ATP13A4: variants seen among roughly 807,000 people sequenced by gnomAD.
ATP13A4 encodes ATPase 13A4, also known as probable cation-transporting ATPase 13A4.
A neutral mutation model predicts 142.5 loss-of-function variants in ATP13A4; 114 were observed. The observed-to-expected ratio is 0.80, with a 90% CI of 0.69 to 0.93. The LOEUF (loss-of-function observed/expected upper bound fraction) is 0.93. ATP13A4 is among the 40% of genes least tolerant of loss of function. ATP13A4 has a pLI of 0.00. For missense variants in ATP13A4, 1,392 were observed against 1,454.0 expected (o/e 0.96, Z 0.69); for synonymous variants, 488 against 514.8 (o/e 0.95, Z 0.70).
intron 2 of ATP13A4, among the ~76,000 whole-genome samples, chr3:193,574,803 T>G (rs1724359516): frequency 6.6e-6 from 1 of 152,156 alleles, no homozygotes; most frequent in Non-Finnish European, 1.5e-5. Context: ...GGAGTGTGTG[T>G]GGGGAGAGGG....
chr3:193,504,649 T>TA (rs903558029), intron 2 of ATP13A4, among the ~76,000 whole-genome samples: 1 of 152,146 alleles, frequency 6.6e-6, no homozygotes, highest in South Asian at 2.1e-4. Flanking sequence ...TACATTTTGC[T>TA]AAAAAATATA....
chr3:193,555,034 T>C (rs570597116), upstream of ATP13A4: 17 of 993,336 alleles, frequency 1.7e-5, no homozygotes, highest in South Asian at 2.8e-4. Flanking sequence ...TCCCTGCTTA[T>C]TGCATTCTCT....
chr3:193,536,585 G>C (rs556741238), intron 1 of ATP13A4, among the ~76,000 whole-genome samples: 2 of 151,966 alleles, frequency 1.3e-5, no homozygotes, highest in Admixed American at 1.3e-4. Flanking sequence ...TCAGGAACAA[G>C]ACAAGAATGT....
rs763897156 is a variant in ATP13A4, at chr3:193,466,200, C to T, written c.1115-18G>A. 1 of 1,613,340 alleles carries T rather than the reference C, an allele frequency of 6.2e-7. No individual in the cohort carries two copies. Among genetic ancestry groups the T allele is most frequent in the African/African-American group, 1.3e-5 (1 of 74,904 alleles). On this transcript the variant is annotated intron_variant, in intron 10 of 29. Coordinates refer to ENST00000342695, the MANE Select transcript of ATP13A4 (RefSeq NM_032279.4). ...GTTGAATCCTGGAACAACAAACACA[C>T]ACCCCACACTCTCAGGAGACCAACG...
At chr3:193,426,379 C>G (rs1231049194) in intron 25 of ATP13A4, among the ~76,000 whole-genome samples, 1 of 151,624 alleles carries the variant, frequency 6.6e-6, no homozygotes, top group African/African-American at 2.4e-5. Context: ...TGGAAAAACC[C>G]ATTAAAATCT....
chr3:193,569,197 T>A (rs141769393), intron 2 of ATP13A4, among the ~76,000 whole-genome samples: 5 of 152,380 alleles, frequency 3.3e-5, no homozygotes, highest in Non-Finnish European at 7.3e-5. Flanking sequence ...GCATTTTGCC[T>A]CTGTGCACTT....
intron 2 of ATP13A4, among the ~76,000 whole-genome samples, chr3:193,508,082 G>GA (rs1463284224): frequency 6.6e-6 from 1 of 152,158 alleles, no homozygotes; most frequent in African/African-American, 2.4e-5. Flanking sequence ...AGGTGTGCAA[G>GA]AGCACAGAGA....
In ATP13A4 at chr3:193,402,809, TAGCCGAAAC is replaced by T. The variant is rs768879166; in HGVS notation, c.3425_3433del (p.Cys1142_Gly1144del). On this transcript the variant is annotated inframe_deletion, in exon 30 of 30. Coordinates refer to ENST00000342695, the MANE Select transcript of ATP13A4 (RefSeq NM_032279.4). Reference sequence around the variant, plus strand: ...TATCCGATACTGGCTTTTTGACTGATAGCCGAAACATCTTTTAATCATCATCCACAGGGC... The same window carrying T: ...TATCCGATACTGGCTTTTTGACTGATATCTTTTAATCATCATCCACAGGGC... The T allele has an allele frequency of 5.6e-6, 9 of 1,614,084 alleles. No homozygotes were observed. The highest frequency in any genetic ancestry group is 7.6e-6 in the Non-Finnish European group (9 of 1,180,022).
intron 1 of ATP13A4, among the ~76,000 whole-genome samples, chr3:193,582,722 C>G (rs1429696922): frequency 2.5e-5 from 1 of 39,852 alleles, no homozygotes; most frequent in Non-Finnish European, 4.4e-5. Flanking sequence ...ATGTATATTA[C>G]ATATATAAAA....
intron 8 of ATP13A4, among the ~76,000 whole-genome samples, chr3:193,473,820 T>C (rs1289814487): frequency 2.0e-5 from 3 of 152,080 alleles, no homozygotes; most frequent in Non-Finnish European, 4.4e-5. Context: ...AGAGTCAAAG[T>C]CACAGAATTC....
rs1181458613 is a variant in ATP13A4, at chr3:193,400,845, A to G, written c.*1807T>C. 6.6e-6 allele frequency among the ~76,000 whole-genome samples: 1 copy of G among 152,158 alleles called. No homozygotes were observed. Among genetic ancestry groups the G allele is most frequent in the Non-Finnish European group, 1.5e-5 (1 of 68,022 alleles). ...CATCTCTAGCTTGCCCCTGCCTACA[A>G]CCCTCTACTTTTGGAAAATGAGAAA... On this transcript the variant is annotated 3_prime_UTR_variant, in exon 30 of 30. Coordinates refer to ENST00000342695, the MANE Select transcript of ATP13A4 (RefSeq NM_032279.4).
intron 3 of ATP13A4, among the ~76,000 whole-genome samples, chr3:193,498,797 T>C (rs953392001): frequency 3.9e-5 from 6 of 152,238 alleles, no homozygotes; most frequent in African/African-American, 1.2e-4. Flanking sequence ...ATTTAGACAA[T>C]TGGACAGATT....
rs918549093 is a variant in ATP13A4, at chr3:193,412,193, G to A, written c.3193C>T (p.Pro1065Ser). Residue 1065 changes from proline to serine, a missense_variant, in exon 27 of 30, where the codon CCA becomes TCA. Physicochemically the swap from Pro to Ser is moderately conservative, Grantham distance 74. Transcript: ENST00000342695. ...TTCTACTCACAGTTTGTATAAGTTGGCTGTCTAAATGGTTTTCCTTTAGAG... is the reference window on the plus strand; with the variant it reads ...TTCTACTCACAGTTTGTATAAGTTGACTGTCTAAATGGTTTTCCTTTAGAG... ...VFSKGKPFRQ[P>S]TYTNYIFVLV... The A allele has an allele frequency of 8.7e-6, 14 of 1,607,436 alleles. No homozygotes were observed. Among genetic ancestry groups the A allele is most frequent in the Non-Finnish European group, 1.2e-5 (14 of 1,174,112 alleles).
intron 25 of ATP13A4, among the ~76,000 whole-genome samples, chr3:193,431,204 G>A (rs1356131930): frequency 6.6e-6 from 1 of 152,094 alleles, no homozygotes; most frequent in East Asian, 1.9e-4. Flanking sequence ...TTTCACTGAT[G>A]TATTATTCTA....
In ATP13A4 at chr3:193,572,738, G is replaced by T. The variant is rs886242526; in HGVS notation, n.291+8969C>A. Among the ~76,000 whole-genome samples the T allele has an allele frequency of 9.9e-4, 150 of 152,194 alleles. 1 individual carries two copies. The highest frequency in any genetic ancestry group is 4.0e-4 in the Non-Finnish European group (27 of 67,988). ...CCCAGAAACTATGCACCGCTGAGTG[G>T]TCCCTGAAGACGTTAGTACATGCAC... On this transcript the variant is annotated intron_variant and non_coding_transcript_variant, in intron 2 of 3. Transcript: ENST00000489140.
At chr3:193,491,779 AC>A (rs1419238228) in intron 5 of ATP13A4, among the ~76,000 whole-genome samples, 1 of 152,156 alleles carries the variant, frequency 6.6e-6, no homozygotes, top group Admixed American at 6.6e-5. Context: ...AAGAGAAATT[AC>A]TTTTATTGAT....
At chr3:193,488,743 T>A (rs1002018952) in intron 7 of ATP13A4, among the ~76,000 whole-genome samples, 2 of 152,190 alleles carry the variant, frequency 1.3e-5, no homozygotes, top group Admixed American at 6.5e-5. Flanking sequence ...GATATAGTAG[T>A]AGCTGAAGGC....
At chr3:193,467,662 T>C (rs1456580329) in intron 9 of ATP13A4, among the ~76,000 whole-genome samples, 176 bp from the exon 10 acceptor site, 1 of 152,192 alleles carries the variant, frequency 6.6e-6, no homozygotes, top group Non-Finnish European at 1.5e-5. Flanking sequence ...AAGAGGTCTG[T>C]AGTTTAGAAT....
At position 193,402,446 on chromosome 3, in the gene ATP13A4, G is replaced by A; in HGVS notation, c.*206C>T. Reference sequence around the variant, plus strand: ...TCACTGAATGCCTCTAATACCTTCAGAAGCCAAGAGGAAAGCACTCTTCTG... The same window carrying A: ...TCACTGAATGCCTCTAATACCTTCAAAAGCCAAGAGGAAAGCACTCTTCTG... On this transcript the variant is annotated 3_prime_UTR_variant, in exon 30 of 30. Coordinates refer to ENST00000342695, the MANE Select transcript of ATP13A4 (RefSeq NM_032279.4). The A allele has an allele frequency of 1.8e-6, 1 of 554,802 alleles. No individual in the cohort carries two copies. The highest frequency in any genetic ancestry group is 3.2e-5 in the East Asian group (1 of 31,728). 34.4% of individuals were successfully genotyped at this position (554,802 alleles called of 1,614,324 possible).
Sources: gnomAD v4.1 joint callset for allele counts (sites outside exome capture counted in the v4.1 genomes callset) on GRCh38, gnomAD v4.1.1 for gene constraint, MANE v1.5 for transcripts, NCBI Gene and HGNC (gene_info 2026-07-23, HGNC 2026-07-21) for gene names.